The following ZNF808 variants were observed in gnomAD, a reference collection of about 807,000 sequenced individuals.
The protein encoded by ZNF808 is zinc finger protein 808.
A neutral mutation model predicts 8.7 loss-of-function variants in ZNF808; 5 were observed. The ratio of observed to expected loss-of-function variants is 0.58; its 90% CI spans 0.30 to 1.21. ZNF808 has a LOEUF of 1.21. Among genes scored for constraint, ZNF808 ranks in the 50% most tolerant of loss-of-function variants. The pLI, the probability that ZNF808 is intolerant of heterozygous loss-of-function variation, is 0.07. For synonymous variants in ZNF808, 380 were observed against 366.0 expected, an observed-to-expected ratio of 1.04 and a Z score of -0.44; for missense variants, 1,103 against 1,098.4, an observed-to-expected ratio of 1.00 and a Z score of -0.06.
At chr19:52,551,904 G>T (rs2059780657) in intron 4 of ZNF808, among the ~76,000 whole-genome samples, 2 of 152,146 alleles carry the variant, frequency 1.3e-5, no homozygotes, top group Non-Finnish European at 1.5e-5. Context: ...TCAGGAGGTT[G>T]AGGAAGGAGA....
chr19:52,529,951 C>G (rs1465427415), intron 1 of ZNF808, among the ~76,000 whole-genome samples: 2 of 151,022 alleles, frequency 1.3e-5, no homozygotes, highest in African/African-American at 4.9e-5. Context: ...CTATGTTTCC[C>G]AGGCTGTTCT....
chr19:52,553,227 A>G lies in ZNF808; in HGVS notation c.311A>G (p.Gln104Arg), dbSNP rs750989293. The change falls in exon 5 of 5, where the codon CAG becomes CGG. Residue 104 changes from glutamine to arginine, a missense_variant. Gln to Arg is a conservative substitution (Grantham distance 43, BLOSUM62 1). Coordinates refer to ENST00000359798, the MANE Select transcript of ZNF808 (RefSeq NM_001039886.4). ...TATCACATTGGAGACTTTTGCTTCC[A>G]GGAAATTGAGAAAGAAATTCATAAC... ...QSYHIGDFCF[Q>R]EIEKEIHNIE... The G allele has an allele frequency of 6.2e-7, 1 of 1,614,104 alleles. No individual in the cohort carries two copies. The highest frequency in any genetic ancestry group is 1.1e-5 in the South Asian group (1 of 91,034).
intron 2 of ZNF808, among the ~76,000 whole-genome samples, chr19:52,542,395 T>C (rs1215231639): frequency 1.3e-5 from 2 of 152,298 alleles, no homozygotes; most frequent in East Asian, 3.9e-4. Flanking sequence ...TTCCTGGGGC[T>C]GAGGTTGCTC....
intron 3 of ZNF808, among the ~76,000 whole-genome samples, chr19:52,544,943 C>T (rs2059707193): frequency 6.6e-6 from 1 of 152,134 alleles, no homozygotes; most frequent in Admixed American, 6.6e-5. Flanking sequence ...GCTGTCACGC[C>T]TGGCTAATTA....
chr19:52,542,015 T>C (rs897513437), intron 2 of ZNF808, among the ~76,000 whole-genome samples: 1 of 152,240 alleles, frequency 6.6e-6, no homozygotes, highest in Non-Finnish European at 1.5e-5. Flanking sequence ...ATAAATCACT[T>C]TATTTGTAAG....
chr19:52,547,975 G>T (rs1018211196), intron 4 of ZNF808, among the ~76,000 whole-genome samples: 1 of 152,020 alleles, frequency 6.6e-6, no homozygotes, highest in Non-Finnish European at 1.5e-5. Flanking sequence ...CAGACCTCAG[G>T]TTATCCGCCC....
At chr19:52,528,516 C>T (rs908674241) in intron 1 of ZNF808, among the ~76,000 whole-genome samples, 1 of 152,032 alleles carries the variant, frequency 6.6e-6, no homozygotes, top group Admixed American at 6.6e-5. Context: ...CAACAAAATA[C>T]CTAGAAAAGC....
At chr19:52,557,417 C>T (rs548523330), downstream of ZNF808, among the ~76,000 whole-genome samples, 63 of 152,216 alleles carry the variant, frequency 4.1e-4, no homozygotes, top group Non-Finnish European at 7.8e-4. Context: ...CAGGTGCCCT[C>T]CACCACTCCC....
At chr19:52,529,801 G>A (rs1450130667) in intron 1 of ZNF808, among the ~76,000 whole-genome samples, 1 of 151,854 alleles carries the variant, frequency 6.6e-6, no homozygotes, top group Non-Finnish European at 1.5e-5. Context: ...TCTAACTGTA[G>A]CCTCTACCTC....
In ZNF808 at chr19:52,554,142, A is replaced by T. The variant is rs1223356173; in HGVS notation, c.1226A>T (p.Asn409Ile). Residue 409 changes from asparagine to isoleucine, a missense_variant, in exon 5 of 5, where the codon AAT becomes ATT. Physicochemically the swap from Asn to Ile is moderately radical, Grantham distance 149. Transcript: ENST00000359798. The part of the protein sequence containing the change: ...YKCNECGKAF[N>I]HQSSLARHHI... ...TGTAATGAGTGTGGTAAGGCTTTTA[A>T]TCATCAATCAAGCCTTGCACGTCAT... is the stretch of plus-strand genomic sequence containing the variant. The T allele has an allele frequency of 1.9e-6, 3 of 1,613,968 alleles. No individual in the cohort carries two copies. The African/African-American group carries it at 4.0e-5, about 22-fold the overall frequency.
intron 2 of ZNF808, among the ~76,000 whole-genome samples, chr19:52,540,057 T>C (rs1291061135): frequency 4.6e-5 from 7 of 151,752 alleles, no homozygotes; most frequent in Non-Finnish European, 7.4e-5. Context: ...TGTCACCCAC[T>C]CTGGAGTCTA....
downstream of ZNF808, among the ~76,000 whole-genome samples, chr19:52,558,529 G>A (rs2059846473): frequency 6.6e-6 from 1 of 151,598 alleles, no homozygotes; most frequent in South Asian, 2.1e-4. Context: ...GTGCCACCAC[G>A]CCCAGCTAAT....
intron 2 of ZNF808, among the ~76,000 whole-genome samples, chr19:52,543,000 A>G (rs2123129648): frequency 6.6e-6 from 1 of 151,552 alleles, no homozygotes; most frequent in East Asian, 2.0e-4. Context: ...AGTCTGTGCC[A>G]TAAAGGGGGC....
chr19:52,559,399 G>A (rs114322451), downstream of ZNF808, among the ~76,000 whole-genome samples: 511 of 152,104 alleles, frequency 3.4e-3, 4 homozygotes, highest in African/African-American at 0.012. Flanking sequence ...ATTTGTTCAG[G>A]TTTTCCTGCT....
intron 3 of ZNF808, among the ~76,000 whole-genome samples, chr19:52,545,292 C>T (rs1396344250): frequency 6.6e-6 from 1 of 152,174 alleles, no homozygotes; most frequent in Admixed American, 6.5e-5. Flanking sequence ...GCCTCAGCCT[C>T]TCCAGTAGCT....
intron 1 of ZNF808, among the ~76,000 whole-genome samples, chr19:52,531,763 C>T (rs535324413): frequency 0.075 from 11 of 146 alleles, no homozygotes; most frequent in African/African-American, 0.25. Context: ...ATTTTACACA[C>T]AGTAACTAGA....
At chr19:52,536,712 AAC>A (rs1211696910) in intron 2 of ZNF808, among the ~76,000 whole-genome samples, 1 of 152,028 alleles carries the variant, frequency 6.6e-6, no homozygotes, top group Non-Finnish European at 1.5e-5. Flanking sequence ...TGGCAATGAG[AAC>A]AGAGGGAGAA....
In ZNF808 at chr19:52,555,260, C is replaced by A. The variant is rs185847449; in HGVS notation, c.2344C>A (p.Arg782Ser). The change falls in exon 5 of 5, where the codon CGT becomes AGT. Residue 782 changes from arginine (R) to serine (S), a missense_variant. Physicochemically the swap from Arg to Ser is moderately radical, Grantham distance 110. Coordinates refer to ENST00000359798, the MANE Select transcript of ZNF808 (RefSeq NM_001039886.4). ...FRHWSSLVYH[R>S]RLHTGEKSYK... ...TCACTGGTCATCCCTTGTATACCAT[C>A]GTAGACTTCATACTGGAGAGAAATC... 20 of 1,614,026 alleles carry A rather than the reference C, an allele frequency of 1.2e-5. No individual in the cohort carries two copies. In the Admixed American group the frequency reaches 3.3e-4, roughly 27 times the overall value.
chr19:52,535,314 G>C (rs2059595276), intron 2 of ZNF808, among the ~76,000 whole-genome samples: 3 of 124,348 alleles, frequency 2.4e-5, no homozygotes, highest in South Asian at 2.6e-4. Context: ...CTGGGTGACA[G>C]AGCGAGACTC....
Sources: gnomAD v4.1 joint callset for allele counts (sites outside exome capture counted in the v4.1 genomes callset) on GRCh38, gnomAD v4.1.1 for gene constraint, MANE v1.5 for transcripts, NCBI Gene and HGNC (gene_info 2026-07-23, HGNC 2026-07-21) for gene names.